Variants in ZNF366 observed in about 807,000 individuals in gnomAD.
ZNF366 encodes zinc finger protein 366.
A neutral mutation model predicts 47.2 loss-of-function variants in ZNF366; 20 were observed. The observed-to-expected ratio is 0.42, with a 90% confidence interval of 0.30 to 0.62. ZNF366 has a LOEUF of 0.62. Among genes scored for constraint, ZNF366 ranks in the 20% least tolerant of loss-of-function variants. The pLI is 0.16. For synonymous variants in ZNF366, 421 were observed against 395.1 expected (o/e 1.07, Z -0.78); for missense variants, 987 against 976.3 (o/e 1.01, Z -0.15).
At chr5:72,463,448 G>A (rs1315074990) in intron 1 of ZNF366, among the ~76,000 whole-genome samples, 4 of 152,194 alleles carry the variant, frequency 2.6e-5, no homozygotes, top group Admixed American at 6.5e-5. Context: ...GATAGCCCTG[G>A]CTTGTCTTTC....
intron 1 of ZNF366, among the ~76,000 whole-genome samples, chr5:72,490,548 T>C (rs896069568): frequency 2.6e-5 from 4 of 152,160 alleles, no homozygotes; most frequent in African/African-American, 9.7e-5. Context: ...ATGAGATTTG[T>C]ACTTAGCTTT....
intron 1 of ZNF366, among the ~76,000 whole-genome samples, chr5:72,477,756 C>T (rs1743703640): frequency 6.6e-6 from 1 of 152,130 alleles, no homozygotes; most frequent in Non-Finnish European, 1.5e-5. Context: ...ATATTTTCAG[C>T]TTTCTGAGGC....
Position 72,444,103 on chromosome 5 carries a change from G to T in ZNF366, c.1888C>A (p.Pro630Thr). The change falls in exon 5 of 5, where the codon CCC becomes ACC. Residue 630 changes from proline to threonine, a missense_variant. Around this residue, in one of 3 missense-constraint regions of ZNF366, gnomAD observed 285 missense variants for 234.8 expected, o/e 1.21. Coordinates refer to ENST00000318442, the MANE Select transcript of ZNF366 (RefSeq NM_152625.3). ...EEEDNCYEVE[P>T]YSPGLAPQSQ... ...TGGGGGGCCAGGCCAGGGCTGTAGG[G>T]CTCCACCTCGTAGCAGTTATCCTCC... 3 of 1,614,054 alleles carry T rather than the reference G, an allele frequency of 1.9e-6. No homozygotes were observed. In the South Asian group the frequency reaches 3.3e-5, roughly 18 times the overall value.
intron 1 of ZNF366, among the ~76,000 whole-genome samples, chr5:72,466,192 G>T (rs1345335397): frequency 6.6e-6 from 1 of 151,976 alleles, no homozygotes; most frequent in Admixed American, 6.5e-5. Flanking sequence ...GGTGAACCAC[G>T]CTCAAAAAGG....
chr5:72,448,617 T>C (rs764359915), intron 3 of ZNF366, among the ~76,000 whole-genome samples: 20 of 152,182 alleles, frequency 1.3e-4, no homozygotes, highest in Non-Finnish European at 2.5e-4. Context: ...GGCTGCACTA[T>C]GTAGTGAGAG....
At position 72,439,954 on chromosome 5, in the gene ZNF366, T is replaced by A. The variant is rs1316171682; in HGVS notation, c.*3802A>T. The A allele has an allele frequency of 6.6e-6, 1 of 152,236 alleles. No homozygotes were observed. Among genetic ancestry groups the A allele is most frequent in the Non-Finnish European group, 1.5e-5 (1 of 68,040 alleles). 9.4% of individuals were successfully genotyped at this position (152,236 alleles called of 1,614,324 possible). On this transcript the variant is annotated 3_prime_UTR_variant, in exon 5 of 5. Coordinates refer to ENST00000318442, the MANE Select transcript of ZNF366 (RefSeq NM_152625.3). ...AATTAACAAAATATAGGTTACATGC[T>A]CTTTTCAGGTAAACTGCTTTTTCAG...
rs924128322 is a variant in ZNF366, at chr5:72,451,535, CACA to C, written c.1525-4121_1525-4119del. Among the ~76,000 whole-genome samples the C allele has an allele frequency of 4.9e-4, 74 of 152,216 alleles. 1 individual carries two copies. Among genetic ancestry groups the C allele is most frequent in the African/African-American group, 1.8e-3 (73 of 41,520 alleles). On this transcript the variant is annotated intron_variant, in intron 3 of 4. Transcript: ENST00000318442. The stretch of plus-strand genomic sequence containing the variant: ...GTTGTGAGGATCAAGTGAGATAATT[CACA>C]AGAAGGACTTGGCAAATAGTAAGAG...
intron 1 of ZNF366, among the ~76,000 whole-genome samples, chr5:72,506,137 T>G (rs771993192): frequency 2.6e-5 from 4 of 152,286 alleles, no homozygotes; most frequent in East Asian, 1.9e-4. Context: ...TTTTATCTTA[T>G]TCTTCACATC....
intron 1 of ZNF366, among the ~76,000 whole-genome samples, chr5:72,471,859 T>A (rs7702544): frequency 0.047 from 7,196 of 151,770 alleles, 515 homozygotes; most frequent in African/African-American, 0.15. Context: ...TTAAAAAAAA[T>A]TTTTTTTTAA....
intron 4 of ZNF366, 26 bp downstream of exon 4, chr5:72,447,217 G>T: frequency 1.2e-6 from 2 of 1,612,504 alleles, no homozygotes; most frequent in Non-Finnish European, 1.7e-6. Flanking sequence ...GGACTGACTT[G>T]CAGGGCTTCC....
intron 2 of ZNF366, among the ~76,000 whole-genome samples, chr5:72,458,977 G>A (rs780988469): frequency 1.3e-5 from 2 of 152,110 alleles, no homozygotes; most frequent in South Asian, 4.1e-4. Context: ...TGAAGTTAGC[G>A]AATGGTCCCC....
At chr5:72,481,477 G>A (rs950971629) in intron 1 of ZNF366, among the ~76,000 whole-genome samples, 30 of 151,962 alleles carry the variant, frequency 2.0e-4, no homozygotes, top group African/African-American at 7.0e-4. Flanking sequence ...ATAGCACTGC[G>A]GTAGACAACT....
At chr5:72,496,158 T>C (rs1021720621) in intron 1 of ZNF366, among the ~76,000 whole-genome samples, 1 of 152,180 alleles carries the variant, frequency 6.6e-6, no homozygotes, top group Non-Finnish European at 1.5e-5. Flanking sequence ...TCATATGTTT[T>C]AAAATATGCA....
intron 1 of ZNF366, among the ~76,000 whole-genome samples, chr5:72,464,483 G>A (rs879856179): frequency 6.6e-6 from 1 of 151,722 alleles, no homozygotes; most frequent in Non-Finnish European, 1.5e-5. Context: ...AATCTCAAAA[G>A]CATATTTATT....
chr5:72,487,646 C>T (rs1301891886), intron 1 of ZNF366, among the ~76,000 whole-genome samples: 1 of 152,132 alleles, frequency 6.6e-6, no homozygotes, highest in Non-Finnish European at 1.5e-5. Context: ...ACCCTTGTCC[C>T]TCTCCCTCAG....
intron 1 of ZNF366, among the ~76,000 whole-genome samples, chr5:72,505,363 G>C (rs1300732340): frequency 6.6e-6 from 1 of 152,308 alleles, no homozygotes; most frequent in South Asian, 2.1e-4. Context: ...TATTTTCACA[G>C]CAATGACTTA....
In ZNF366 at chr5:72,473,392, G is replaced by C. The variant is rs181123561; in HGVS notation, c.-14-11882C>G. 2.3e-4 allele frequency among the ~76,000 whole-genome samples: 35 copies of C among 152,282 alleles called. No homozygotes were observed. In the East Asian group the frequency reaches 6.2e-3, roughly 27 times the overall value. On this transcript the variant is annotated intron_variant, in intron 1 of 4. Transcript: ENST00000318442. ...TATTCAGAGTTCTGTGGCTTGCAGCGAAACACAATCCTTATCTGATATATA... is the reference window on the plus strand; with the variant it reads ...TATTCAGAGTTCTGTGGCTTGCAGCCAAACACAATCCTTATCTGATATATA...
chr5:72,495,610 T>G (rs1006339012), intron 1 of ZNF366, among the ~76,000 whole-genome samples: 1 of 152,182 alleles, frequency 6.6e-6, no homozygotes, highest in Admixed American at 6.5e-5. Context: ...AGCCGTTGGT[T>G]GTGATTTTAT....
At chr5:72,484,458 T>C (rs995698247) in intron 1 of ZNF366, among the ~76,000 whole-genome samples, 29 of 144,168 alleles carry the variant, frequency 2.0e-4, no homozygotes, top group Non-Finnish European at 4.1e-4. Context: ...CACTCCAGCC[T>C]GGGCGACAGA....
Sources: allele counts gnomAD v4.1 joint callset (sites outside exome capture counted in the v4.1 genomes callset), GRCh38; gene constraint gnomAD v4.1.1; regional missense constraint gnomAD v4.1.1; transcripts MANE v1.5; gene names NCBI Gene and HGNC (gene_info 2026-07-23, HGNC 2026-07-21).